SHROOM3: variants seen among roughly 807,000 people sequenced by gnomAD.
SHROOM3 encodes the protein shroom family member 3.
In SHROOM3, 47 loss-of-function variants were observed where a neutral mutation model predicts 138.6. The ratio of observed to expected loss-of-function variants is 0.34; its 90% CI spans 0.27 to 0.43. The LOEUF (loss-of-function observed/expected upper bound fraction) is 0.43, where lower values mean the gene tolerates loss of function less well. Among genes scored for constraint, SHROOM3 ranks in the 20% least tolerant of loss-of-function variants. The pLI is 1.00. For synonymous variants in SHROOM3, 1,062 were observed against 1,063.3 expected (o/e 1.00, Z 0.02); for missense variants, 2,491 against 2,596.5 (o/e 0.96, Z 0.88).
At chr4:76,562,467 G>C (rs1050741677) in intron 2 of SHROOM3, among the ~76,000 whole-genome samples, 2 of 152,116 alleles carry the variant, frequency 1.3e-5, no homozygotes, top group Non-Finnish European at 2.9e-5. Context: ...ACTCACCCAG[G>C]ATTTGCAAGT....
At chr4:76,547,226 T>A (rs1168425874) in intron 1 of SHROOM3, among the ~76,000 whole-genome samples, 1 of 152,184 alleles carries the variant, frequency 6.6e-6, no homozygotes, top group East Asian at 1.9e-4. Flanking sequence ...TAGGGACAAA[T>A]GTCTGGGCGA....
chr4:76,648,390 C>A (rs978939476), intron 2 of SHROOM3, among the ~76,000 whole-genome samples: 1 of 152,174 alleles, frequency 6.6e-6, no homozygotes, highest in Admixed American at 6.5e-5. Flanking sequence ...GTCTGAGTAA[C>A]AATCCCTGTG....
chr4:76,641,962 C>A (rs1413890381), intron 2 of SHROOM3, among the ~76,000 whole-genome samples: 1 of 152,112 alleles, frequency 6.6e-6, no homozygotes, highest in Non-Finnish European at 1.5e-5. Flanking sequence ...TTAAGTAGGA[C>A]AGGATCTCAA....
chr4:76,674,743 C>T (rs1009878693), intron 2 of SHROOM3, among the ~76,000 whole-genome samples: 7 of 151,796 alleles, frequency 4.6e-5, no homozygotes, highest in Non-Finnish European at 8.8e-5. Flanking sequence ...TTTGTAGAGC[C>T]AGGGTTTCTC....
intron 1 of SHROOM3, among the ~76,000 whole-genome samples, chr4:76,491,999 G>C (rs1410158815): frequency 6.6e-6 from 1 of 152,174 alleles, no homozygotes; most frequent in Non-Finnish European, 1.5e-5. Flanking sequence ...GAAAATGAGG[G>C]CTTTTTAACA....
chr4:76,721,624 C>A (rs1372520295), intron 3 of SHROOM3, among the ~76,000 whole-genome samples: 1 of 152,188 alleles, frequency 6.6e-6, no homozygotes, highest in Non-Finnish European at 1.5e-5. Flanking sequence ...AATTCTACCA[C>A]CTCAGACTTT....
chr4:76,580,692 C>T (rs1734033982), intron 2 of SHROOM3, among the ~76,000 whole-genome samples: 1 of 152,136 alleles, frequency 6.6e-6, no homozygotes, highest in Non-Finnish European at 1.5e-5. Flanking sequence ...TCCCAAAGTG[C>T]TGGGATTACA....
intron 1 of SHROOM3, chr4:76,509,134 T>C (rs1300281197): frequency 2.0e-5 from 3 of 152,216 alleles, no homozygotes; most frequent in African/African-American, 7.2e-5. Flanking sequence ...CATAGCAATA[T>C]GTTTTGCATT....
chr4:76,441,153 G>A (rs1174630146), intron 1 of SHROOM3, among the ~76,000 whole-genome samples: 1 of 135,616 alleles, frequency 7.4e-6, no homozygotes, highest in African/African-American at 2.7e-5. Flanking sequence ...GCAGTGCAGT[G>A]GCGCGATCTC....
At chr4:76,555,495 C>T in intron 1 of SHROOM3, 114 bp from the exon 2 acceptor site, 1 of 1,476,658 alleles carries the variant, frequency 6.8e-7, no homozygotes, top group Non-Finnish European at 9.3e-7. Context: ...TGGGGTGTGG[C>T]CCTAGCTGGT....
intron 10 of SHROOM3, among the ~76,000 whole-genome samples, chr4:76,774,120 G>A (rs990038442): frequency 5.9e-5 from 9 of 152,172 alleles, no homozygotes; most frequent in Admixed American, 5.9e-4. Context: ...CAAGGGGCAT[G>A]TTAGATGAGG....
chr4:76,680,202 G>A (rs1463484128), intron 2 of SHROOM3, among the ~76,000 whole-genome samples: 1 of 149,864 alleles, frequency 6.7e-6, no homozygotes, highest in Non-Finnish European at 1.5e-5. Flanking sequence ...GTACAGTGGC[G>A]CAATCTCTTC....
chr4:76,550,176 A>C (rs1447994512), intron 1 of SHROOM3, among the ~76,000 whole-genome samples: 1 of 152,230 alleles, frequency 6.6e-6, no homozygotes, highest in East Asian at 1.9e-4. Flanking sequence ...AATATATTAA[A>C]AGTATACTAG....
At position 76,756,911 on chromosome 4, in the gene SHROOM3, C is replaced by T. The variant is rs1721834721; in HGVS notation, c.5172C>T (p.Val1724=). ...AGAGGAAGGCCATACAGAGAACTGTCAGCTCTTCAGGATGTGAAGGCAAGA... is the reference window on the plus strand; with the variant it reads ...AGAGGAAGGCCATACAGAGAACTGTTAGCTCTTCAGGATGTGAAGGCAAGA... The part of the protein sequence containing the change: ...SVKRKAIQRT[V]SSSGCEGKRN... Residue 1724 remains valine, a synonymous_variant, in exon 8 of 11, where the codon GTC becomes GTT. Transcript: ENST00000296043. 1 of 1,614,034 alleles carries T rather than the reference C, an allele frequency of 6.2e-7. No individual in the cohort carries two copies. The highest frequency in any genetic ancestry group is 8.5e-7 in the Non-Finnish European group (1 of 1,180,040).
At chr4:76,624,582 C>A (rs1434776176) in intron 2 of SHROOM3, among the ~76,000 whole-genome samples, 1 of 152,106 alleles carries the variant, frequency 6.6e-6, no homozygotes, top group Non-Finnish European at 1.5e-5. Context: ...GTTACCACTA[C>A]ACGTGAATAC....
Position 76,741,872 on chromosome 4 carries a change from G to A in SHROOM3, c.3699G>A (p.Ala1233=), listed in dbSNP as rs199738125. The A allele has an allele frequency of 6.6e-5, 107 of 1,611,738 alleles. No individual in the cohort carries two copies. Among genetic ancestry groups the A allele is most frequent in the African/African-American group, 2.4e-4 (18 of 75,010 alleles). The change falls in exon 5 of 11, where the codon GCG becomes GCA. Residue 1233 remains alanine (A), a synonymous_variant. Coordinates refer to ENST00000296043, the MANE Select transcript of SHROOM3 (RefSeq NM_020859.4). The surrounding 1 kb of genome is among the most constrained non-coding windows in gnomAD (Gnocchi z 6.2). The part of the protein sequence containing the change: ...EDLLERSDVL[A]GPVHVRSRSS... ...TGCTGGAACGCTCGGACGTCCTTGC[G>A]GGCCCTGTCCATGTGAGGTCCAGGT... is the stretch of plus-strand genomic sequence containing the variant.
At chr4:76,495,965 A>C (rs1731959312) in intron 1 of SHROOM3, among the ~76,000 whole-genome samples, 1 of 152,220 alleles carries the variant, frequency 6.6e-6, no homozygotes, top group South Asian at 2.1e-4. Context: ...TGAAGATAGG[A>C]AGGAATGACT....
At position 76,435,521 on chromosome 4, in the gene SHROOM3, T is replaced by G. The variant is rs1469540725; in HGVS notation, c.-532T>G. Reference sequence around the variant, plus strand: ...GTGAGCCGAAGCATAGTAAGTGCTTTCTTTCTTTTTAAGCTACTTCTGGGG... The same window carrying G: ...GTGAGCCGAAGCATAGTAAGTGCTTGCTTTCTTTTTAAGCTACTTCTGGGG... On this transcript the variant is annotated 5_prime_UTR_variant, in exon 1 of 11. Transcript: ENST00000296043. 2 of 152,314 alleles carry G rather than the reference T, an allele frequency of 1.3e-5. No individual in the cohort carries two copies. Among genetic ancestry groups the G allele is most frequent in the African/African-American group, 2.4e-5 (1 of 41,466 alleles). 9.4% of individuals were successfully genotyped at this position (152,314 alleles called of 1,614,324 possible).
chr4:76,603,063 T>C (rs372606547), intron 2 of SHROOM3, among the ~76,000 whole-genome samples: 1 of 152,296 alleles, frequency 6.6e-6, no homozygotes, highest in East Asian at 1.9e-4. Context: ...TTCCCAAGTG[T>C]AATGTGGTAT....
Sources: gnomAD v4.1 joint callset for allele counts (sites outside exome capture counted in the v4.1 genomes callset) on GRCh38, gnomAD v4.1.1 for gene constraint, Gnocchi (gnomAD v3.1) non-coding constraint, MANE v1.5 for transcripts, NCBI Gene and HGNC (gene_info 2026-07-23, HGNC 2026-07-21) for gene names.